Variants in LSAMP observed in about 807,000 individuals in gnomAD.
LSAMP encodes the protein limbic system-associated membrane protein.
LSAMP carries 7 observed loss-of-function variants against 38.6 expected under a neutral mutation model. The ratio of observed to expected loss-of-function variants is 0.18; its 90% CI spans 0.10 to 0.34. LSAMP has a LOEUF of 0.34. Ranked by LOEUF, LSAMP falls within the 10% of genes least tolerant of loss-of-function variation. LSAMP has a pLI of 1.00. For synonymous variants in LSAMP, 154 were observed against 166.8 expected (o/e 0.92, Z 0.59); for missense variants, 313 against 420.0 (o/e 0.75, Z 2.23).
At chr3:115,857,844 C>T (rs957223140) in intron 3 of LSAMP, among the ~76,000 whole-genome samples, 9 of 152,280 alleles carry the variant, frequency 5.9e-5, no homozygotes, top group African/African-American at 2.2e-4. Flanking sequence ...GGGCCTAGAG[C>T]TAATGGCAAG....
intron 1 of LSAMP, among the ~76,000 whole-genome samples, chr3:116,278,930 G>A (rs559436975): frequency 6.6e-6 from 1 of 152,280 alleles, no homozygotes; most frequent in Admixed American, 6.5e-5. Flanking sequence ...GGCAGCCAAG[G>A]AAACTCCTAT....
intron 2 of LSAMP, among the ~76,000 whole-genome samples, chr3:116,084,467 A>AC (rs1207959671): frequency 1.3e-5 from 2 of 148,648 alleles, no homozygotes; most frequent in Non-Finnish European, 3.0e-5. Flanking sequence ...AAAAAAAAAA[A>AC]AAAACCAAAA....
At chr3:115,812,621 A>G (rs538273837) in intron 6 of LSAMP, among the ~76,000 whole-genome samples, 17 of 152,238 alleles carry the variant, frequency 1.1e-4, no homozygotes, top group African/African-American at 4.1e-4. Context: ...GCTCCTTGGC[A>G]TGTTTGGTTG....
At chr3:116,272,819 A>T (rs2046992356) in intron 1 of LSAMP, among the ~76,000 whole-genome samples, 1 of 152,206 alleles carries the variant, frequency 6.6e-6, no homozygotes, top group African/African-American at 2.4e-5. Context: ...TAAAAAATAA[A>T]AATGAAACTT....
intron 2 of LSAMP, among the ~76,000 whole-genome samples, chr3:116,034,312 G>C (rs751640627): frequency 9.9e-5 from 15 of 151,980 alleles, no homozygotes; most frequent in Non-Finnish European, 1.3e-4. Context: ...ACCAGGCCTG[G>C]TGGCCACCAG....
intron 3 of LSAMP, among the ~76,000 whole-genome samples, chr3:115,895,113 C>T (rs767183435): frequency 2.6e-5 from 4 of 152,068 alleles, no homozygotes; most frequent in Admixed American, 6.6e-5. Context: ...CTCCCATTGA[C>T]AATTACCAGA....
chr3:115,881,498 A>G (rs1031156007), intron 3 of LSAMP, among the ~76,000 whole-genome samples: 8 of 152,112 alleles, frequency 5.3e-5, no homozygotes, highest in African/African-American at 1.9e-4. Flanking sequence ...CTTGTTAATC[A>G]TCTCATCCAT....
chr3:115,962,121 G>A (rs574479158), intron 3 of LSAMP, among the ~76,000 whole-genome samples: 7 of 152,186 alleles, frequency 4.6e-5, no homozygotes, highest in Non-Finnish European at 7.4e-5. Context: ...CTTAATGATC[G>A]ACTTGCCCAA....
At position 116,444,978 on chromosome 3, in the gene LSAMP, T is replaced by C. The variant is rs750808986; in HGVS notation, c.54A>G (p.Arg18=). ...GTCCTGTGGGAAGAAGGCAGAGCAA[T>C]CTCAGTAGGACCAGTGGCAACTGTT... ...DRKQLPLVLL[R]LLCLLPTGLP... is the part of the protein sequence containing the mutation. Residue 18 remains arginine (R), a synonymous_variant, in exon 1 of 7, where the codon AGA becomes AGG. Coordinates refer to ENST00000490035, the MANE Select transcript of LSAMP (RefSeq NM_002338.5). The C allele has an allele frequency of 2.0e-5, 33 of 1,613,858 alleles. No individual in the cohort carries two copies. In the South Asian group the frequency reaches 3.2e-4, roughly 16 times the overall value.
At chr3:116,226,484 C>A (rs1019656302) in intron 1 of LSAMP, among the ~76,000 whole-genome samples, 4 of 152,334 alleles carry the variant, frequency 2.6e-5, no homozygotes, top group African/African-American at 9.6e-5. Flanking sequence ...AAGCTGTTCT[C>A]TGTCAGCGAC....
intron 1 of LSAMP, among the ~76,000 whole-genome samples, chr3:116,162,091 A>G (rs1408631131): frequency 6.6e-6 from 1 of 152,164 alleles, no homozygotes; most frequent in East Asian, 1.9e-4. Context: ...CCCTAGAGAC[A>G]AAGGTTCTTT....
intron 1 of LSAMP, among the ~76,000 whole-genome samples, chr3:116,290,290 C>G (rs1389694988): frequency 2.0e-5 from 3 of 152,248 alleles, no homozygotes; most frequent in South Asian, 2.1e-4. Context: ...GCACACTGCC[C>G]CTTCTTACAT....
intron 1 of LSAMP, among the ~76,000 whole-genome samples, chr3:116,317,232 T>C (rs7621652): frequency 0.77 from 116,934 of 152,082 alleles, 45,933 homozygotes; most frequent in East Asian, 0.92. Flanking sequence ...GTTCGTGCCA[T>C]CTTTAAGAGC....
At chr3:115,810,602 G>C (rs1015902908) in intron 6 of LSAMP, among the ~76,000 whole-genome samples, 188 bp from the exon 7 acceptor site, 6 of 152,212 alleles carry the variant, frequency 3.9e-5, no homozygotes, top group African/African-American at 1.4e-4. Flanking sequence ...TGGGCTACAA[G>C]TATCCTAAGG....
At chr3:116,420,287 G>A (rs896805045) in intron 1 of LSAMP, among the ~76,000 whole-genome samples, 1 of 151,610 alleles carries the variant, frequency 6.6e-6, no homozygotes, top group Non-Finnish European at 1.5e-5. Context: ...TAGTAGAGAT[G>A]GGGTTTCACC....
At chr3:115,873,554 T>G (rs567882911) in intron 3 of LSAMP, among the ~76,000 whole-genome samples, 8 of 152,200 alleles carry the variant, frequency 5.3e-5, no homozygotes, top group Non-Finnish European at 1.0e-4. Flanking sequence ...ATTTTTCCGG[T>G]CATTCTATTT....
At chr3:115,928,858 T>G (rs1433453196) in intron 3 of LSAMP, among the ~76,000 whole-genome samples, 1 of 152,112 alleles carries the variant, frequency 6.6e-6, no homozygotes, top group African/African-American at 2.4e-5. Context: ...GTTAAGGTAT[T>G]TTCATTTGAA....
chr3:116,047,880 C>T (rs1045213306), intron 2 of LSAMP, among the ~76,000 whole-genome samples: 1 of 152,188 alleles, frequency 6.6e-6, no homozygotes, highest in Non-Finnish European at 1.5e-5. Flanking sequence ...ATAGTCATCA[C>T]TTTTGTGATG....
At chr3:116,427,440 A>C (rs2049217199) in intron 1 of LSAMP, among the ~76,000 whole-genome samples, 1 of 152,284 alleles carries the variant, frequency 6.6e-6, no homozygotes. Flanking sequence ...CTCTTTCATT[A>C]AACATGTCCA....
Sources: gnomAD v4.1 joint callset for allele counts (sites outside exome capture counted in the v4.1 genomes callset) on GRCh38, gnomAD v4.1.1 for gene constraint, MANE v1.5 for transcripts, NCBI Gene and HGNC (gene_info 2026-07-23, HGNC 2026-07-21) for gene names.